PPP2R5E: variants seen among roughly 807,000 people sequenced by gnomAD.
PPP2R5E encodes serine/threonine-protein phosphatase 2A 56 kDa regulatory subunit epsilon isoform.
A neutral mutation model predicts 65.3 loss-of-function variants in PPP2R5E; 4 were observed. The ratio of observed to expected loss-of-function variants is 0.06; its 90% CI spans 0.03 to 0.14. The LOEUF (loss-of-function observed/expected upper bound fraction) is 0.14, where lower values mean the gene tolerates loss of function less well. Ranked by LOEUF, PPP2R5E falls within the 10% of genes least tolerant of loss-of-function variation. The probability of loss-of-function intolerance (pLI) is 1.00; values close to 1 mark genes in which losing one functional copy is unlikely to be tolerated. For missense variants in PPP2R5E, 274 were observed against 556.1 expected (o/e 0.49, Z 5.10); for synonymous variants, 183 against 187.4 (o/e 0.98, Z 0.19).
At chr14:63,396,540 A>G (rs996803648) in intron 6 of PPP2R5E, 46 bp downstream of exon 6, 2 of 1,600,714 alleles carry the variant, frequency 1.2e-6, no homozygotes, top group Admixed American at 3.4e-5. Context: ...TACTCATAAA[A>G]ACACCAACTT....
intron 3 of PPP2R5E, among the ~76,000 whole-genome samples, chr14:63,435,054 T>C (rs954927387): frequency 2.0e-5 from 3 of 152,064 alleles, no homozygotes; most frequent in Non-Finnish European, 2.9e-5. Context: ...AATGTATATA[T>C]AGTAAGATTA....
chr14:63,397,119 A>C (rs1392266874), intron 5 of PPP2R5E, among the ~76,000 whole-genome samples: 3 of 152,202 alleles, frequency 2.0e-5, no homozygotes, highest in Non-Finnish European at 4.4e-5. Flanking sequence ...ATAGGTGGTA[A>C]AGCTAGAATT....
chr14:63,522,357 G>C (rs1169293932), intron 2 of PPP2R5E, among the ~76,000 whole-genome samples: 1 of 151,058 alleles, frequency 6.6e-6, no homozygotes, highest in South Asian at 2.1e-4. Context: ...GCCTCTGCCC[G>C]GCCGCCACCC....
At chr14:63,532,673 A>G (rs1159304471) in intron 2 of PPP2R5E, among the ~76,000 whole-genome samples, 2 of 152,174 alleles carry the variant, frequency 1.3e-5, no homozygotes, top group Non-Finnish European at 2.9e-5. Context: ...CGTCATCATC[A>G]TTTTACAGAC....
chr14:63,496,401 G>A (rs1353745749), intron 2 of PPP2R5E, among the ~76,000 whole-genome samples: 4 of 143,122 alleles, frequency 2.8e-5, no homozygotes, highest in African/African-American at 8.2e-5. Flanking sequence ...CCAAGATCAC[G>A]CCACTACACT....
intron 2 of PPP2R5E, among the ~76,000 whole-genome samples, chr14:63,482,670 C>T (rs1483526581): frequency 1.3e-5 from 2 of 152,040 alleles, no homozygotes; most frequent in Non-Finnish European, 2.9e-5. Context: ...TACAGTAAAC[C>T]AGACTGTTAA....
chr14:63,488,022 C>T (rs1178952607), intron 2 of PPP2R5E, among the ~76,000 whole-genome samples: 1 of 152,118 alleles, frequency 6.6e-6, no homozygotes, highest in Non-Finnish European at 1.5e-5. Flanking sequence ...TGGGAAGCAC[C>T]TTTTACATTA....
rs573877098 is a variant in PPP2R5E, at chr14:63,519,574, G to A, written c.157+19955C>T. On this transcript the variant is annotated intron_variant, in intron 2 of 13. Transcript: ENST00000337537. ...TCACCGTGTTGGCCAGGGGGGTCTC[G>A]AACTCCTGACCTCAGGTGATCTACC... is the stretch of plus-strand genomic sequence containing the variant. Among the ~76,000 whole-genome samples, 10 of 146,958 alleles carry A rather than the reference G, an allele frequency of 6.8e-5. 2 individuals carry two copies. Among genetic ancestry groups the A allele is most frequent in the African/African-American group, 2.6e-4 (10 of 39,034 alleles).
At chr14:63,444,799 T>C (rs1028050418) in intron 3 of PPP2R5E, among the ~76,000 whole-genome samples, 16 of 152,314 alleles carry the variant, frequency 1.1e-4, no homozygotes, top group African/African-American at 3.6e-4. Flanking sequence ...GACAGACACC[T>C]GACACTTGAG....
At chr14:63,396,317 G>A (rs570935460) in intron 6 of PPP2R5E, among the ~76,000 whole-genome samples, 4 of 111,240 alleles carry the variant, frequency 3.6e-5, no homozygotes, top group Admixed American at 3.6e-4. Flanking sequence ...GGGGGAGGAG[G>A]GAGAGGAAGA....
In PPP2R5E at chr14:63,530,314, C is replaced by A. The variant is rs142467460; in HGVS notation, c.157+9215G>T. Reference sequence around the variant, plus strand: ...ATGGTGTGATCTCAGCTCACTGCAACCTCTGCCTCCCGGATTCAAGCGATT... The same window carrying A: ...ATGGTGTGATCTCAGCTCACTGCAAACTCTGCCTCCCGGATTCAAGCGATT... On this transcript the variant is annotated intron_variant, in intron 2 of 13. Transcript: ENST00000337537. Among the ~76,000 whole-genome samples, 815 of 146,360 alleles carry A rather than the reference C, an allele frequency of 5.6e-3. 9 individuals are homozygous for A. Among genetic ancestry groups the A allele is most frequent in the African/African-American group, 0.02 (787 of 39,144 alleles).
chr14:63,495,596 A>G (rs1891518412), intron 2 of PPP2R5E, among the ~76,000 whole-genome samples: 2 of 151,932 alleles, frequency 1.3e-5, no homozygotes, highest in African/African-American at 4.8e-5. Flanking sequence ...ATAAAGTAAA[A>G]TAAACATGTC....
chr14:63,481,182 T>C (rs1890678585), intron 2 of PPP2R5E, among the ~76,000 whole-genome samples: 2 of 152,058 alleles, frequency 1.3e-5, no homozygotes, highest in Non-Finnish European at 2.9e-5. Flanking sequence ...CAGTGCTCTA[T>C]CACAATAAAA....
chr14:63,376,508 A>G (rs1883992989), intron 13 of PPP2R5E, among the ~76,000 whole-genome samples: 1 of 152,188 alleles, frequency 6.6e-6, no homozygotes, highest in Non-Finnish European at 1.5e-5. Flanking sequence ...TTTCACTTTT[A>G]ATGATCTGAA....
chr14:63,377,548 G>A (rs1884061814), intron 13 of PPP2R5E, among the ~76,000 whole-genome samples: 2 of 152,066 alleles, frequency 1.3e-5, no homozygotes, highest in African/African-American at 4.8e-5. Context: ...TAATAGTCTG[G>A]TATTAACCAG....
At chr14:63,426,788 G>T (rs916716014) in intron 3 of PPP2R5E, among the ~76,000 whole-genome samples, 8 of 150,258 alleles carry the variant, frequency 5.3e-5, no homozygotes, top group Non-Finnish European at 1.2e-4. Context: ...TTAAATGAAT[G>T]AACCAGTTTA....
intron 3 of PPP2R5E, among the ~76,000 whole-genome samples, chr14:63,424,586 C>A (rs1273106706): frequency 1.3e-5 from 2 of 152,006 alleles, no homozygotes; most frequent in Non-Finnish European, 2.9e-5. Flanking sequence ...CCCGTCTCTA[C>A]TAAAAATACA....
chr14:63,514,638 G>C (rs1892592384), intron 2 of PPP2R5E, among the ~76,000 whole-genome samples: 1 of 152,184 alleles, frequency 6.6e-6, no homozygotes, highest in Non-Finnish European at 1.5e-5. Flanking sequence ...TTTCCTGCCT[G>C]AAAGGAGGGT....
chr14:63,520,185 G>A (rs1892839772), intron 2 of PPP2R5E, among the ~76,000 whole-genome samples: 2 of 151,932 alleles, frequency 1.3e-5, no homozygotes, highest in African/African-American at 2.4e-5. Context: ...ACTGGCGCCC[G>A]CCACCACGCC....
Sources: gnomAD v4.1 joint callset for allele counts (sites outside exome capture counted in the v4.1 genomes callset) on GRCh38, gnomAD v4.1.1 for gene constraint, MANE v1.5 for transcripts, NCBI Gene and HGNC (gene_info 2026-07-23, HGNC 2026-07-21) for gene names.